The following CCDC112 variants were observed in gnomAD, a reference collection of about 807,000 sequenced individuals.
CCDC112 encodes the protein coiled-coil domain-containing protein 112.
In CCDC112, 40 loss-of-function variants were observed where a neutral mutation model predicts 66.3. The ratio of observed to expected loss-of-function variants is 0.60; its 90% CI spans 0.47 to 0.79. The LOEUF (loss-of-function observed/expected upper bound fraction) is 0.79. Ranked by LOEUF, CCDC112 falls within the 30% of genes least tolerant of loss-of-function variation. The probability of loss-of-function intolerance (pLI) is 0.00; values close to 1 mark genes in which losing one functional copy is unlikely to be tolerated. For missense variants in CCDC112, 659 were observed against 603.8 expected (o/e 1.09, Z -0.96); for synonymous variants, 214 against 197.2 (o/e 1.09, Z -0.71).
At chr5:115,284,064 G>C (rs1157239574) in intron 2 of CCDC112, among the ~76,000 whole-genome samples, 1 of 151,482 alleles carries the variant, frequency 6.6e-6, no homozygotes, top group African/African-American at 2.4e-5. Context: ...GATCTGAAAG[G>C]AGCAGAAACC....
rs1278144697 is a variant in CCDC112, at chr5:115,268,928, T to G, written c.1501A>C (p.Lys501Gln). 1 of 1,607,600 alleles carries G rather than the reference T, an allele frequency of 6.2e-7. No individual in the cohort carries two copies. The highest frequency in any genetic ancestry group is 8.5e-7 in the Non-Finnish European group (1 of 1,177,198). The part of the protein sequence containing the change: ...PTKGWEERTK[K>Q]IGPTGSGPLL... The stretch of plus-strand genomic sequence containing the variant: ...GGCCCAGAGCCTGTTGGTCCTATCT[T>G]TTTGGTTCGTTCTTCCCAACCTTTG... The change falls in exon 9 of 10, where the codon AAG (lysine) becomes CAG (glutamine). Residue 501 changes from lysine to glutamine, a missense_variant. Coordinates refer to ENST00000379611, the MANE Select transcript of CCDC112 (RefSeq NM_001040440.3).
intron 9 of CCDC112, among the ~76,000 whole-genome samples, chr5:115,268,266 A>G (rs914830767): frequency 2.8e-4 from 43 of 152,130 alleles, no homozygotes; most frequent in Admixed American, 2.7e-3. Context: ...GGCATCAGGT[A>G]CTACTTTTAC....
intron 1 of CCDC112, among the ~76,000 whole-genome samples, chr5:115,288,639 C>T (rs986253503): frequency 6.6e-6 from 1 of 152,214 alleles, no homozygotes; most frequent in South Asian, 2.1e-4. Flanking sequence ...AATGCAGGAC[C>T]GTGACTCCAT....
In CCDC112 at chr5:115,269,738, G is replaced by A. The variant is rs368586091; in HGVS notation, c.1393C>T (p.Gln465Ter). 1 of 1,598,136 alleles carries A rather than the reference G, an allele frequency of 6.3e-7. No individual in the cohort carries two copies. The highest frequency in any genetic ancestry group is 2.3e-5 in the East Asian group (1 of 44,240). The change falls in exon 8 of 10, where the codon CAA becomes TAA. Residue 465 changes from glutamine to a stop codon, truncating the protein, a stop_gained. Transcript: ENST00000379611. LOFTEE classifies it high-confidence loss of function. ...DRQAKEDEKS[Q>*]KQRRLAKLKE... is the part of the protein sequence containing the mutation. ...AATTTTGCCAGTCTTCTTTGTTTTTGTGACTTTTCATCTTCCTTTGCCTGT... is the reference window on the plus strand; with the variant it reads ...AATTTTGCCAGTCTTCTTTGTTTTTATGACTTTTCATCTTCCTTTGCCTGT...
intron 2 of CCDC112, among the ~76,000 whole-genome samples, chr5:115,282,296 T>C (rs897875414): frequency 3.9e-5 from 6 of 152,202 alleles, no homozygotes; most frequent in African/African-American, 1.4e-4. Flanking sequence ...TCATATGATA[T>C]GAATTTTATC....
chr5:115,275,612 A>G lies in CCDC112; in HGVS notation c.528-6T>C. 2 of 1,527,864 alleles carry G rather than the reference A, an allele frequency of 1.3e-6. No homozygotes were observed. The highest frequency in any genetic ancestry group is 1.8e-6 in the Non-Finnish European group (2 of 1,128,660). The allele number at this position is 1,527,864 out of a possible 1,614,324, so 94.6% of individuals were successfully genotyped here. Reference sequence around the variant, plus strand: ...CTTTAATTAGCTCTTCATATCTAAAATTTTAAAAATAAAGTTTGAATAAGA... The same window carrying G: ...CTTTAATTAGCTCTTCATATCTAAAGTTTTAAAAATAAAGTTTGAATAAGA... On this transcript the variant is annotated splice_region_variant and splice_polypyrimidine_tract_variant and intron_variant, in intron 5 of 9. Transcript: ENST00000379611.
At chr5:115,286,137 T>C (rs1026455786) in intron 1 of CCDC112, among the ~76,000 whole-genome samples, 3 of 152,230 alleles carry the variant, frequency 2.0e-5, no homozygotes, top group Non-Finnish European at 4.4e-5. Flanking sequence ...CCATCATGAC[T>C]ACCCAGTTTC....
chr5:115,295,338 A>AT (rs1364201314), intron 1 of CCDC112, among the ~76,000 whole-genome samples: 3 of 152,150 alleles, frequency 2.0e-5, no homozygotes, highest in East Asian at 1.9e-4. Context: ...GGTGTCACAC[A>AT]TTTTTTTGAG....
At chr5:115,278,609 G>A (rs1561495855) in intron 3 of CCDC112, among the ~76,000 whole-genome samples, 1 of 152,014 alleles carries the variant, frequency 6.6e-6, no homozygotes, top group Non-Finnish European at 1.5e-5. Flanking sequence ...GCATTACTGA[G>A]ACATAGAAAA....
chr5:115,269,438 T>C (rs1441717286), intron 8 of CCDC112, among the ~76,000 whole-genome samples: 1 of 152,134 alleles, frequency 6.6e-6, no homozygotes, highest in South Asian at 2.1e-4. Context: ...AAGGTTCATA[T>C]AGAAACAAAT....
At chr5:115,296,349 T>G (rs897177306) in intron 1 of CCDC112, 78 bp downstream of exon 1, 25 of 1,443,830 alleles carry the variant, frequency 1.7e-5, no homozygotes, top group Admixed American at 1.1e-4. Context: ...CCGCCGGCGC[T>G]GCAGAGGGCA....
Position 115,269,689 on chromosome 5 carries a change from T to G in CCDC112, c.1428+14A>C, listed in dbSNP as rs1475474522. On this transcript the variant is annotated intron_variant, in intron 8 of 9. Transcript: ENST00000379611. ...TAGGATAATAACAATGAAAATAATC[T>G]CGGTGCAGAGTACCTTTTCTTTTAA... 6.5e-7 allele frequency: 1 copy of G among 1,540,258 alleles called. No homozygotes were observed. Among genetic ancestry groups the G allele is most frequent in the Non-Finnish European group, 8.9e-7 (1 of 1,127,528 alleles).
At chr5:115,284,744 A>G (rs1470599238) in intron 2 of CCDC112, 43 bp downstream of exon 2, 1 of 1,475,600 alleles carries the variant, frequency 6.8e-7, no homozygotes, top group Non-Finnish European at 9.4e-7. Flanking sequence ...TCCATTATAA[A>G]ATGGCTAGTA....
intron 6 of CCDC112, 94 bp from the exon 7 acceptor site, chr5:115,271,720 GA>G: frequency 1.2e-6 from 1 of 813,878 alleles, no homozygotes; most frequent in Non-Finnish European, 1.8e-6. Context: ...TTTCTAGAAA[GA>G]ATATTGATTG....
rs144794090 is a variant in CCDC112 at position 115,282,608 on chromosome 5, C to T, written c.239+2179G>A. ...AAAAAAAAATGCAGAGCAATGTGGA[C>T]GGTATGCTACCATTTATACAAAAAA... On this transcript the variant is annotated intron_variant, in intron 2 of 9. Transcript: ENST00000379611. Among the ~76,000 whole-genome samples, 332 of 152,060 alleles carry T rather than the reference C, an allele frequency of 2.2e-3. 3 individuals are homozygous for T. Among genetic ancestry groups the T allele is most frequent in the East Asian group, 0.016 (81 of 5,164 alleles).
chr5:115,287,696 CT>C (rs778702533), intron 1 of CCDC112, among the ~76,000 whole-genome samples: 242 of 84,738 alleles, frequency 2.9e-3, no homozygotes, highest in African/African-American at 9.9e-3. Flanking sequence ...ATCCCCTTTC[CT>C]TTTTTTTTTT....
At chr5:115,288,673 T>C (rs1236727709) in intron 1 of CCDC112, among the ~76,000 whole-genome samples, 3 of 152,210 alleles carry the variant, frequency 2.0e-5, no homozygotes, top group Admixed American at 1.3e-4. Context: ...ACACTTAGTA[T>C]TAGAAGATAT....
At position 115,287,712 on chromosome 5, in the gene CCDC112, T is replaced by TA. The variant is rs1406813776; in HGVS notation, c.118-2805_118-2804insT. Among the ~76,000 whole-genome samples the TA allele has an allele frequency of 2.7e-5, 4 of 148,500 alleles. No homozygotes were observed. The East Asian group carries it at 5.9e-4, about 22-fold the overall frequency. On this transcript the variant is annotated intron_variant, in intron 1 of 9. Coordinates refer to ENST00000379611, the MANE Select transcript of CCDC112 (RefSeq NM_001040440.3). ...TCCCCTTTCCTTTTTTTTTTTTTTT[T>TA]TTTTTTTAATTAAAGTGGTGAGGGT...
At chr5:115,274,361 T>C (rs1220400399) in intron 6 of CCDC112, among the ~76,000 whole-genome samples, 14 of 152,214 alleles carry the variant, frequency 9.2e-5, no homozygotes, top group African/African-American at 1.9e-4. Context: ...GCCAGAGTAA[T>C]ATTTTTGTAA....
Sources: allele counts gnomAD v4.1 joint callset (sites outside exome capture counted in the v4.1 genomes callset), GRCh38; gene constraint gnomAD v4.1.1; transcripts MANE v1.5; gene names NCBI Gene and HGNC (gene_info 2026-07-23, HGNC 2026-07-21).